NLGN1: variants seen among roughly 807,000 people sequenced by gnomAD.
NLGN1 encodes the protein neuroligin-1.
In NLGN1, 12 loss-of-function variants were observed where a neutral mutation model predicts 65.5. The observed-to-expected ratio is 0.18, with a 90% confidence interval of 0.12 to 0.30. The LOEUF (loss-of-function observed/expected upper bound fraction) is 0.30, where lower values mean the gene tolerates loss of function less well. Among genes scored for constraint, NLGN1 ranks in the 10% least tolerant of loss-of-function variants. The probability of loss-of-function intolerance (pLI) is 1.00; values close to 1 mark genes in which losing one functional copy is unlikely to be tolerated. For synonymous variants in NLGN1, 350 were observed against 359.5 expected, an observed-to-expected ratio of 0.97 and a Z score of 0.30; for missense variants, 750 against 1,007.1, an observed-to-expected ratio of 0.74 and a Z score of 3.46.
intron 2 of NLGN1, chr3:173,584,505 C>G (rs1019309706): frequency 1.0e-4 from 13 of 127,580 alleles, no homozygotes; most frequent in Admixed American, 9.6e-5. Context: ...AGTTTTTTTT[C>G]AGTCACCCGA....
intron 2 of NLGN1, among the ~76,000 whole-genome samples, chr3:173,459,608 T>C (rs1207902617): frequency 6.6e-6 from 1 of 152,138 alleles, no homozygotes; most frequent in Non-Finnish European, 1.5e-5. Flanking sequence ...TGGAAGTTTT[T>C]TCCGGGTTCA....
intron 3 of NLGN1, among the ~76,000 whole-genome samples, chr3:173,678,376 AAAGGC>A (rs1763465515): frequency 6.6e-6 from 1 of 152,130 alleles, no homozygotes; most frequent in Non-Finnish European, 1.5e-5. Flanking sequence ...AGGGAAGAGA[AAAGGC>A]CATTGGATGT....
chr3:173,499,755 T>C (rs1373950468), intron 2 of NLGN1, among the ~76,000 whole-genome samples: 1 of 151,950 alleles, frequency 6.6e-6, no homozygotes, highest in Non-Finnish European at 1.5e-5. Flanking sequence ...TAGTTCTCCT[T>C]GAAGAGATCC....
intron 4 of NLGN1, among the ~76,000 whole-genome samples, chr3:174,082,831 C>T (rs1245031563): frequency 6.6e-6 from 1 of 152,080 alleles, no homozygotes; most frequent in Non-Finnish European, 1.5e-5. Flanking sequence ...AGCAATTCTC[C>T]TGCCTCAGTC....
At chr3:173,687,688 A>G (rs1764876257) in intron 3 of NLGN1, among the ~76,000 whole-genome samples, 1 of 152,228 alleles carries the variant, frequency 6.6e-6, no homozygotes, top group South Asian at 2.1e-4. Context: ...TCAGATAACT[A>G]TACATATTTA....
At chr3:173,867,307 C>G (rs1323033628) in intron 4 of NLGN1, among the ~76,000 whole-genome samples, 3 of 151,976 alleles carry the variant, frequency 2.0e-5, no homozygotes, top group African/African-American at 4.8e-5. Context: ...TTGCCTATAG[C>G]TTGATTTTAT....
At chr3:173,516,298 AT>A (rs1733802089) in intron 2 of NLGN1, among the ~76,000 whole-genome samples, 1 of 152,050 alleles carries the variant, frequency 6.6e-6, no homozygotes, top group Admixed American at 6.6e-5. Flanking sequence ...ATATACTGAA[AT>A]CAATATGTCT....
chr3:173,666,286 T>G (rs1011871674), intron 3 of NLGN1, among the ~76,000 whole-genome samples: 2 of 152,152 alleles, frequency 1.3e-5, no homozygotes, highest in African/African-American at 4.8e-5. Context: ...AATATAAGCC[T>G]AAGTATCCTC....
chr3:174,214,293 G>A (rs145814689), intron 4 of NLGN1, among the ~76,000 whole-genome samples: 9 of 152,026 alleles, frequency 5.9e-5, no homozygotes, highest in African/African-American at 2.2e-4. Context: ...GCCATGTATT[G>A]AGTTTCTGAA....
intron 4 of NLGN1, among the ~76,000 whole-genome samples, chr3:174,090,164 A>G (rs533051411): frequency 6.6e-6 from 1 of 152,254 alleles, no homozygotes; most frequent in East Asian, 1.9e-4. Context: ...TTTTAAATAG[A>G]AAAAAGAAAG....
intron 4 of NLGN1, among the ~76,000 whole-genome samples, chr3:174,265,365 C>G (rs1303410401): frequency 6.6e-6 from 1 of 152,126 alleles, no homozygotes; most frequent in Non-Finnish European, 1.5e-5. Flanking sequence ...GAGCCAGGTG[C>G]GGGATGTAAT....
chr3:174,150,770 G>A (rs114198488), intron 4 of NLGN1, among the ~76,000 whole-genome samples: 26 of 152,228 alleles, frequency 1.7e-4, no homozygotes, highest in African/African-American at 6.3e-4. Flanking sequence ...GTACAGGGAT[G>A]GAGAGTAGAA....
intron 3 of NLGN1, among the ~76,000 whole-genome samples, chr3:173,612,087 A>G (rs1752391789): frequency 6.6e-6 from 1 of 151,730 alleles, no homozygotes; most frequent in Admixed American, 6.6e-5. Context: ...TCCTATGAAT[A>G]CTCTTCTCCT....
At chr3:173,539,497 A>T (rs1289809650) in intron 2 of NLGN1, among the ~76,000 whole-genome samples, 2 of 144,276 alleles carry the variant, frequency 1.4e-5, no homozygotes, top group South Asian at 4.2e-4. Context: ...ATATGTATGT[A>T]TATGTATATG....
intron 4 of NLGN1, among the ~76,000 whole-genome samples, chr3:174,095,886 G>A (rs868232534): frequency 2.0e-5 from 3 of 152,034 alleles, no homozygotes; most frequent in Admixed American, 6.6e-5. Flanking sequence ...TGTAGTCCTG[G>A]CTACTCGGGA....
chr3:173,990,320 A>C lies in NLGN1; in HGVS notation c.646+182488A>C, dbSNP rs1266554655. 3.9e-5 allele frequency among the ~76,000 whole-genome samples: 6 copies of C among 152,150 alleles called. No homozygotes were observed. The South Asian group carries it at 1.2e-3, about 32-fold the overall frequency. On this transcript the variant is annotated intron_variant, in intron 4 of 6. Transcript: ENST00000457714. ...TTTCTCAATCAAAAAGTTCTCTACA[A>C]ATTCTGTTTGTTGACTATTTTCTTT...
At chr3:174,020,024 A>G (rs537521794) in intron 4 of NLGN1, among the ~76,000 whole-genome samples, 2 of 152,206 alleles carry the variant, frequency 1.3e-5, no homozygotes, top group Admixed American at 1.3e-4. Context: ...GTGCTCTAAT[A>G]CATTGTATTA....
chr3:173,571,028 G>T (rs1744568102), intron 2 of NLGN1, among the ~76,000 whole-genome samples: 1 of 152,054 alleles, frequency 6.6e-6, no homozygotes, highest in Non-Finnish European at 1.5e-5. Context: ...TTGGAAAACT[G>T]GCCTCCACAA....
Position 173,690,926 on chromosome 3 carries a change from G to A in NLGN1, c.493+85835G>A, listed in dbSNP as rs191350706. On this transcript the variant is annotated intron_variant, in intron 3 of 6. Coordinates refer to ENST00000457714, the Ensembl canonical transcript of NLGN1. ...GGATGAACAGGTTGTGGTGCCTTAC[G>A]GAAAGTGCCTTAGGAGAAGCTGTAA... is the stretch of plus-strand genomic sequence containing the variant. Among the ~76,000 whole-genome samples the A allele has an allele frequency of 2.1e-4, 32 of 152,212 alleles. No homozygotes were observed. The East Asian group carries it at 2.9e-3, about 14-fold the overall frequency.
Sources: allele counts gnomAD v4.1 joint callset (sites outside exome capture counted in the v4.1 genomes callset), GRCh38; gene constraint gnomAD v4.1.1; transcripts MANE v1.5; gene names NCBI Gene and HGNC (gene_info 2026-07-23, HGNC 2026-07-21).